The following PPP1R9A variants were observed in gnomAD, a reference collection of about 807,000 sequenced individuals.
PPP1R9A encodes the protein neurabin-1.
In PPP1R9A, 59 loss-of-function variants were observed where a neutral mutation model predicts 141.9. That is an observed-to-expected ratio of 0.42 (90% CI 0.34 to 0.52). The LOEUF is 0.52. Among genes scored for constraint, PPP1R9A ranks in the 20% least tolerant of loss-of-function variants. PPP1R9A has a pLI of 0.10. For missense variants in PPP1R9A, 1,444 were observed against 1,611.9 expected (o/e 0.90, Z 1.78); for synonymous variants, 500 against 569.7 (o/e 0.88, Z 1.74).
chr7:95,046,211 T>C (rs1258735440), intron 2 of PPP1R9A, among the ~76,000 whole-genome samples: 3 of 151,980 alleles, frequency 2.0e-5, no homozygotes, highest in Non-Finnish European at 2.9e-5. Flanking sequence ...CCCGAGTAGC[T>C]GGGATTACAG....
chr7:95,055,795 G>A (rs1811419432), intron 2 of PPP1R9A, among the ~76,000 whole-genome samples: 1 of 152,062 alleles, frequency 6.6e-6, no homozygotes, highest in Non-Finnish European at 1.5e-5. Context: ...AGCGTTTCCT[G>A]ACAATACACT....
chr7:95,148,245 G>A (rs1827999971), intron 4 of PPP1R9A, among the ~76,000 whole-genome samples: 1 of 152,090 alleles, frequency 6.6e-6, no homozygotes, highest in Admixed American at 6.6e-5. Flanking sequence ...GAAATCAGTA[G>A]AGAAAGTCAG....
At chr7:94,962,404 T>A (rs985629954) in intron 2 of PPP1R9A, among the ~76,000 whole-genome samples, 7 of 152,160 alleles carry the variant, frequency 4.6e-5, no homozygotes, top group South Asian at 2.1e-4. Context: ...GTGGTTTTTT[T>A]AATTAAGAAA....
At chr7:95,137,171 G>A (rs186281631) in intron 4 of PPP1R9A, among the ~76,000 whole-genome samples, 9 of 151,702 alleles carry the variant, frequency 5.9e-5, no homozygotes, top group South Asian at 2.1e-4. Flanking sequence ...TGCCATGTTG[G>A]TGTGCTGCAC....
intron 2 of PPP1R9A, among the ~76,000 whole-genome samples, chr7:95,079,612 C>T (rs1307365660): frequency 3.3e-5 from 5 of 151,808 alleles, no homozygotes; most frequent in Non-Finnish European, 7.4e-5. Flanking sequence ...ATCCTGATAC[C>T]AAAGCCGGGC....
At chr7:95,089,721 GTT>G (rs368117090) in intron 2 of PPP1R9A, among the ~76,000 whole-genome samples, 4 of 147,302 alleles carry the variant, frequency 2.7e-5, no homozygotes, top group African/African-American at 1.0e-4. Context: ...TTAGAAGCTC[GTT>G]TTTTTTTTTC....
rs377159706 is a variant in PPP1R9A, at chr7:95,251,857, G to A, written c.2492G>A (p.Arg831Gln). The change falls in exon 11 of 20, where the codon CGG (arginine) becomes CAG (glutamine). Residue 831 changes from arginine to glutamine, a missense_variant and splice_region_variant. Physicochemically the swap from Arg to Gln is conservative, Grantham distance 43. Transcript: ENST00000433360. ...HLVEVQGLQV[R>Q]IRDLEAEVFR... ...GTGGAAGTGCAAGGCCTCCAAGTGC[G>A]GGTAAGTTGTGTTCCCTAAGACACT... is the stretch of plus-strand genomic sequence containing the variant. 2.3e-5 allele frequency: 37 copies of A among 1,613,768 alleles called. No individual in the cohort carries two copies. The South Asian group carries it at 3.0e-4, about 13-fold the overall frequency.
At position 95,247,662 on chromosome 7, in the gene PPP1R9A, A is replaced by T. The variant is rs114989767; in HGVS notation, c.2166+136A>T. 2.9e-3 allele frequency: 1,965 copies of T among 687,890 alleles called. 32 individuals carry two copies. In the African/African-American group the frequency reaches 0.033, roughly 12 times the overall value. 42.6% of individuals were successfully genotyped at this position (687,890 alleles called of 1,614,324 possible). A position where few individuals can be genotyped will look rare whatever the true frequency, so the allele number is the denominator to read the frequency against. ...ATGTGATAGATTCATTTTCACTGTCAGGTACGTAGACAAACCTGCCAGTGA... is the reference window on the plus strand; with the variant it reads ...ATGTGATAGATTCATTTTCACTGTCTGGTACGTAGACAAACCTGCCAGTGA... On this transcript the variant is annotated intron_variant, in intron 9 of 19. Coordinates refer to ENST00000433360, the MANE Select transcript of PPP1R9A (RefSeq NM_001166160.2).
intron 7 of PPP1R9A, among the ~76,000 whole-genome samples, chr7:95,211,958 C>A (rs1401264354): frequency 6.6e-6 from 1 of 152,058 alleles, no homozygotes; most frequent in African/African-American, 2.4e-5. Context: ...CCATTACATT[C>A]CAGCCTGGGT....
At chr7:95,095,706 C>G (rs1340985712) in intron 2 of PPP1R9A, among the ~76,000 whole-genome samples, 1 of 152,108 alleles carries the variant, frequency 6.6e-6, no homozygotes, top group Non-Finnish European at 1.5e-5. Flanking sequence ...TTCAGGGTAA[C>G]ATGATTATTT....
At chr7:95,086,236 G>A (rs1036418326) in intron 2 of PPP1R9A, among the ~76,000 whole-genome samples, 1 of 151,990 alleles carries the variant, frequency 6.6e-6, no homozygotes, top group Admixed American at 6.6e-5. Context: ...ACACATTGTA[G>A]AAGTGGTTTT....
chr7:95,089,603 G>A (rs749721126), intron 2 of PPP1R9A, among the ~76,000 whole-genome samples: 3 of 151,948 alleles, frequency 2.0e-5, no homozygotes, highest in Non-Finnish European at 4.4e-5. Context: ...TTCTTCACCT[G>A]GATAATCCAC....
intron 8 of PPP1R9A, among the ~76,000 whole-genome samples, chr7:95,244,430 A>G (rs1466098623): frequency 6.6e-6 from 1 of 152,136 alleles, no homozygotes. Context: ...TGTTTCATAA[A>G]TGTCACACCT....
At chr7:95,271,731 CT>C (rs1291117927) in intron 14 of PPP1R9A, among the ~76,000 whole-genome samples, 1 of 152,136 alleles carries the variant, frequency 6.6e-6, no homozygotes, top group African/African-American at 2.4e-5. Flanking sequence ...GTTGCCACAG[CT>C]TAAAGTTGAG....
intron 2 of PPP1R9A, among the ~76,000 whole-genome samples, chr7:95,012,058 A>G (rs1204864206): frequency 1.3e-5 from 2 of 152,216 alleles, no homozygotes; most frequent in South Asian, 2.1e-4. Context: ...ATAATGGACT[A>G]TAGCAGTTAA....
At chr7:95,216,210 T>C (rs1258993452) in intron 7 of PPP1R9A, among the ~76,000 whole-genome samples, 1 of 151,358 alleles carries the variant, frequency 6.6e-6, no homozygotes, top group East Asian at 1.9e-4. Flanking sequence ...GTTTTCCATT[T>C]ATTAAATAGG....
chr7:95,151,377 A>G (rs1195677723), intron 4 of PPP1R9A, among the ~76,000 whole-genome samples: 1 of 152,246 alleles, frequency 6.6e-6, no homozygotes, highest in African/African-American at 2.4e-5. Context: ...AAAAGCCTAC[A>G]TACTTTATAA....
At chr7:95,010,751 C>T (rs1383624868) in intron 2 of PPP1R9A, among the ~76,000 whole-genome samples, 1 of 151,748 alleles carries the variant, frequency 6.6e-6, no homozygotes, top group African/African-American at 2.4e-5. Flanking sequence ...TTAAAAAATT[C>T]TATATACTAC....
At chr7:95,165,394 A>G (rs549534572) in intron 5 of PPP1R9A, among the ~76,000 whole-genome samples, 1 of 152,308 alleles carries the variant, frequency 6.6e-6, no homozygotes, top group African/African-American at 2.4e-5. Context: ...CCACACAGGG[A>G]AGACGTTGGG....
Sources: allele counts gnomAD v4.1 joint callset (sites outside exome capture counted in the v4.1 genomes callset), GRCh38; gene constraint gnomAD v4.1.1; transcripts MANE v1.5; gene names NCBI Gene and HGNC (gene_info 2026-07-23, HGNC 2026-07-21).